Variants in ZMAT3 observed in about 807,000 individuals in gnomAD.
ZMAT3 encodes the protein zinc finger matrin-type 3, also known as zinc finger matrin-type protein 3.
Under a neutral mutation model 32.3 loss-of-function variants are expected in ZMAT3, and 17 were observed. The observed-to-expected ratio is 0.53, with a 90% confidence interval of 0.36 to 0.79. The LOEUF (loss-of-function observed/expected upper bound fraction) is 0.79, where lower values mean the gene tolerates loss of function less well. ZMAT3 is among the 30% of genes least tolerant of loss of function. The probability of loss-of-function intolerance (pLI) is 0.00; values close to 1 mark genes in which losing one functional copy is unlikely to be tolerated. For missense variants in ZMAT3, 329 were observed against 359.7 expected, an observed-to-expected ratio of 0.91 and a Z score of 0.69; for synonymous variants, 120 against 133.1, an observed-to-expected ratio of 0.90 and a Z score of 0.68.
chr3:179,059,416 A>G (rs1290528715), intron 2 of ZMAT3, among the ~76,000 whole-genome samples: 2 of 152,244 alleles, frequency 1.3e-5, no homozygotes, highest in African/African-American at 4.8e-5. Flanking sequence ...GACAGCACCC[A>G]TCAGATGGCC....
At chr3:179,043,777 T>G (rs1720079979) in intron 2 of ZMAT3, among the ~76,000 whole-genome samples, 1 of 151,928 alleles carries the variant, frequency 6.6e-6, no homozygotes. Context: ...ACCATCAGAG[T>G]GAACAGGCAA....
chr3:179,066,453 T>C (rs1560100344), intron 2 of ZMAT3, among the ~76,000 whole-genome samples: 4 of 152,114 alleles, frequency 2.6e-5, no homozygotes, highest in Non-Finnish European at 5.9e-5. Flanking sequence ...CAATAATCAG[T>C]CTTTGGGATC....
chr3:179,037,887 GTC>G (rs894918481), intron 2 of ZMAT3, among the ~76,000 whole-genome samples: 8 of 152,132 alleles, frequency 5.3e-5, no homozygotes, highest in Non-Finnish European at 1.0e-4. Flanking sequence ...CAAAGGCAAA[GTC>G]TCTGCCCTCA....
At chr3:179,036,494 CTAGA>C (rs1279854998) in intron 2 of ZMAT3, among the ~76,000 whole-genome samples, 6 of 151,728 alleles carry the variant, frequency 4.0e-5, no homozygotes, top group African/African-American at 1.5e-4. Context: ...AAGATAATGG[CTAGA>C]TAAAGGAGAA....
intron 5 of ZMAT3, among the ~76,000 whole-genome samples, chr3:179,026,617 C>T (rs1718889163): frequency 6.6e-6 from 1 of 152,024 alleles, no homozygotes; most frequent in Non-Finnish European, 1.5e-5. Context: ...AACTCCTGAC[C>T]TCAGGTGATC....
At chr3:179,047,769 G>T (rs1332363847) in intron 2 of ZMAT3, among the ~76,000 whole-genome samples, 1 of 151,964 alleles carries the variant, frequency 6.6e-6, no homozygotes, top group Non-Finnish European at 1.5e-5. Flanking sequence ...TGAAGCAGGA[G>T]AATCACTTCA....
At chr3:179,025,933 A>T (rs1011342021) in intron 5 of ZMAT3, among the ~76,000 whole-genome samples, 1 of 152,202 alleles carries the variant, frequency 6.6e-6, no homozygotes, top group Non-Finnish European at 1.5e-5. Context: ...TGACCTCATA[A>T]GCTGGACGCT....
intron 2 of ZMAT3, among the ~76,000 whole-genome samples, chr3:179,053,210 T>C (rs998095448): frequency 6.7e-6 from 1 of 150,346 alleles, no homozygotes; most frequent in Admixed American, 6.6e-5. Context: ...ATAAAATATA[T>C]CTAGATATAA....
chr3:179,034,119 A>G (rs1475846598), intron 2 of ZMAT3, among the ~76,000 whole-genome samples: 1 of 152,232 alleles, frequency 6.6e-6, no homozygotes, highest in East Asian at 1.9e-4. Flanking sequence ...TATTCTTTAA[A>G]CTGCATTGTA....
chr3:179,063,026 C>A (rs568807760), intron 2 of ZMAT3, among the ~76,000 whole-genome samples: 1 of 152,302 alleles, frequency 6.6e-6, no homozygotes, highest in East Asian at 1.9e-4. Context: ...AGTACAATGA[C>A]CCCTACTTTA....
intron 2 of ZMAT3, among the ~76,000 whole-genome samples, chr3:179,059,427 A>C (rs571069721): frequency 4.6e-5 from 7 of 152,342 alleles, no homozygotes; most frequent in African/African-American, 1.7e-4. Flanking sequence ...TCAGATGGCC[A>C]AAGCATTATT....
At chr3:179,059,404 T>G (rs1011833848) in intron 2 of ZMAT3, among the ~76,000 whole-genome samples, 2 of 152,154 alleles carry the variant, frequency 1.3e-5, no homozygotes, top group African/African-American at 4.8e-5. Flanking sequence ...CACTTAGGCA[T>G]TGACAGCACC....
At position 179,029,824 on chromosome 3, in the gene ZMAT3, A is replaced by G. The variant is rs970590039; in HGVS notation, c.390+1056T>C. 5.3e-5 allele frequency among the ~76,000 whole-genome samples: 8 copies of G among 152,336 alleles called. 1 individual carries two copies. The South Asian group carries it at 1.2e-3, about 24-fold the overall frequency. On this transcript the variant is annotated intron_variant, in intron 3 of 5. Coordinates refer to ENST00000311417, the MANE Select transcript of ZMAT3 (RefSeq NM_022470.4). The stretch of plus-strand genomic sequence containing the variant: ...CAATTTTACATTTCTAAAATATTGT[A>G]TTAAATATCTATCTTTATTACTGAG...
At chr3:179,031,334 G>A (rs963402138) in intron 2 of ZMAT3, among the ~76,000 whole-genome samples, 2 of 150,476 alleles carry the variant, frequency 1.3e-5, no homozygotes, top group Non-Finnish European at 3.0e-5. Flanking sequence ...AAAAAAAAAT[G>A]AAAACTGTAA....
At chr3:179,039,969 A>C (rs377166443) in intron 2 of ZMAT3, among the ~76,000 whole-genome samples, 2 of 152,348 alleles carry the variant, frequency 1.3e-5, no homozygotes, top group East Asian at 3.9e-4. Context: ...TAGTGGAAGA[A>C]AGGGTATCAG....
intron 2 of ZMAT3, among the ~76,000 whole-genome samples, chr3:179,032,160 G>A (rs1311125309): frequency 2.0e-5 from 3 of 151,108 alleles, no homozygotes; most frequent in East Asian, 2.0e-4. Flanking sequence ...GCGCCGCCAC[G>A]CCTGACTGGT....
chr3:179,036,588 T>C (rs1231093166), intron 2 of ZMAT3, among the ~76,000 whole-genome samples: 1 of 151,628 alleles, frequency 6.6e-6, no homozygotes, highest in East Asian at 1.9e-4. Flanking sequence ...AACCGCAGGG[T>C]AGATGGAAAT....
intron 1 of ZMAT3, among the ~76,000 whole-genome samples, chr3:179,070,962 G>A (rs1245242505): frequency 1.3e-5 from 2 of 152,172 alleles, no homozygotes; most frequent in African/African-American, 4.8e-5. Flanking sequence ...AACAGGTTAG[G>A]AGCACCTCAG....
intron 2 of ZMAT3, among the ~76,000 whole-genome samples, chr3:179,042,828 T>C (rs1051704783): frequency 5.3e-5 from 8 of 152,272 alleles, no homozygotes; most frequent in East Asian, 1.9e-4. Flanking sequence ...GAAAACCCCA[T>C]TGTCTCAGCC....
Sources: gnomAD v4.1 joint callset for allele counts (sites outside exome capture counted in the v4.1 genomes callset) on GRCh38, gnomAD v4.1.1 for gene constraint, MANE v1.5 for transcripts, NCBI Gene and HGNC (gene_info 2026-07-23, HGNC 2026-07-21) for gene names.